UTRN: variants seen among roughly 807,000 people sequenced by gnomAD.
UTRN encodes utrophin.
UTRN carries 283 observed loss-of-function variants against 463.9 expected under a neutral mutation model. That is an observed-to-expected ratio of 0.61 (90% confidence interval 0.55 to 0.67). UTRN has a LOEUF of 0.67. UTRN is among the 30% of genes least tolerant of loss of function. UTRN has a pLI of 0.00. For synonymous variants in UTRN, 1,442 were observed against 1,431.5 expected (o/e 1.01, Z -0.17); for missense variants, 3,922 against 4,084.3 (o/e 0.96, Z 1.08).
intron 54 of UTRN, among the ~76,000 whole-genome samples, chr6:144,739,632 G>A (rs180810214): frequency 4.8e-4 from 73 of 152,268 alleles, no homozygotes; most frequent in Admixed American, 4.4e-3. Flanking sequence ...ACCGAGCCAC[G>A]GTAGAGACGT....
chr6:144,724,222 C>CTTTTTTTT (rs34507977), intron 53 of UTRN, among the ~76,000 whole-genome samples: 6 of 78,150 alleles, frequency 7.7e-5, no homozygotes, highest in African/African-American at 1.2e-4. Context: ...AGATTCATAA[C>CTTTTTTTT]TTTTTTTTTT....
At chr6:144,618,615 G>A (rs144914386) in intron 51 of UTRN, among the ~76,000 whole-genome samples, 9 of 152,082 alleles carry the variant, frequency 5.9e-5, no homozygotes, top group Non-Finnish European at 1.2e-4. Context: ...AAAAAAATGA[G>A]CCCCATTTTA....
intron 2 of UTRN, among the ~76,000 whole-genome samples, chr6:144,295,923 A>G (rs148832450): frequency 3.9e-5 from 6 of 152,146 alleles, no homozygotes; most frequent in Non-Finnish European, 7.4e-5. Context: ...CTCTTCTTCC[A>G]TCTTTGCCTG....
intron 53 of UTRN, among the ~76,000 whole-genome samples, chr6:144,702,117 T>C (rs1435284317): frequency 6.6e-6 from 1 of 152,222 alleles, no homozygotes; most frequent in African/African-American, 2.4e-5. Context: ...ATGTGCTCTG[T>C]AAGGAATACA....
At chr6:144,653,253 T>G (rs1779005460) in intron 51 of UTRN, among the ~76,000 whole-genome samples, 1 of 152,180 alleles carries the variant, frequency 6.6e-6, no homozygotes, top group Non-Finnish European at 1.5e-5. Flanking sequence ...GATATGTACG[T>G]GCATACATAT....
rs147640011 is a variant in UTRN, at chr6:144,396,800, CATGTCATGAGGGGT to C, written c.80-6321_80-6308del. On this transcript the variant is annotated intron_variant, in intron 2 of 74. Transcript: ENST00000367545. ...TTTGATTTATGGCACCATCCAACTGCATGTCATGAGGGGTAAGTCCTTGACCTCTCTGGTCACAG... is the reference window on the plus strand; with the variant it reads ...TTTGATTTATGGCACCATCCAACTGCAAGTCCTTGACCTCTCTGGTCACAG... Among the ~76,000 whole-genome samples the C allele has an allele frequency of 7.4e-3, 1,120 of 152,216 alleles. 17 individuals carry two copies. The highest frequency in any genetic ancestry group is 0.025 in the African/African-American group (1,025 of 41,530).
intron 51 of UTRN, among the ~76,000 whole-genome samples, chr6:144,588,847 T>C (rs1229562249): frequency 2.0e-5 from 3 of 152,200 alleles, no homozygotes; most frequent in Admixed American, 2.0e-4. Flanking sequence ...ACCATAGAGA[T>C]AAAAGAATGT....
At position 144,559,858 on chromosome 6, in the gene UTRN, G is replaced by A. The variant is rs918971285; in HGVS notation, c.7289+2547G>A. ...ACATGGTCTAATCTAATATTCTCAG[G>A]CTCAGAGAAGTTAAGTGACATGTTC... On this transcript the variant is annotated intron_variant, in intron 50 of 74. Coordinates refer to ENST00000367545, the MANE Select transcript of UTRN (RefSeq NM_007124.3). Among the ~76,000 whole-genome samples the A allele has an allele frequency of 4.6e-5, 7 of 152,234 alleles. No individual in the cohort carries two copies. In the East Asian group the frequency reaches 1.2e-3, roughly 25 times the overall value.
chr6:144,706,076 G>A (rs1785057320), intron 53 of UTRN, among the ~76,000 whole-genome samples: 1 of 151,922 alleles, frequency 6.6e-6, no homozygotes, highest in South Asian at 2.1e-4. Context: ...CCTTAGCCTT[G>A]CATCCAAGAA....
At chr6:144,584,425 A>G (rs1311147444) in intron 51 of UTRN, among the ~76,000 whole-genome samples, 2 of 152,236 alleles carry the variant, frequency 1.3e-5, no homozygotes, top group East Asian at 3.9e-4. Context: ...CCTCCTTCCT[A>G]TCATATTTTT....
intron 2 of UTRN, among the ~76,000 whole-genome samples, chr6:144,350,561 A>G (rs1316016605): frequency 2.6e-5 from 4 of 152,230 alleles, no homozygotes; most frequent in Non-Finnish European, 5.9e-5. Context: ...GTCATCTACA[A>G]CAGATGACAT....
chr6:144,697,575 T>A (rs1457042505), intron 52 of UTRN, among the ~76,000 whole-genome samples: 1 of 152,178 alleles, frequency 6.6e-6, no homozygotes, highest in East Asian at 1.9e-4. Context: ...ATAGTTATAA[T>A]CTATTTGAGA....
chr6:144,701,386 T>A (rs1260865142), intron 53 of UTRN, among the ~76,000 whole-genome samples: 3 of 152,188 alleles, frequency 2.0e-5, no homozygotes. Context: ...GTTTTACTTT[T>A]CTGAGCCAAG....
At chr6:144,724,222 C>CTTTTT (rs34507977) in intron 53 of UTRN, among the ~76,000 whole-genome samples, 58 of 78,142 alleles carry the variant, frequency 7.4e-4, no homozygotes, top group South Asian at 1.5e-3. Context: ...AGATTCATAA[C>CTTTTT]TTTTTTTTTT....
At position 144,510,966 on chromosome 6, in the gene UTRN, A is replaced by C; in HGVS notation, c.4787A>C (p.Lys1596Thr). 1 of 1,601,350 alleles carries C rather than the reference A, an allele frequency of 6.2e-7. No individual in the cohort carries two copies. The highest frequency in any genetic ancestry group is 2.3e-5 in the East Asian group (1 of 44,428). Residue 1596 changes from lysine to threonine, a missense_variant, in exon 35 of 75, where the codon AAG becomes ACG. Physicochemically the swap from Lys to Thr is moderately conservative, Grantham distance 78. Around this residue, in one of 3 missense-constraint regions of UTRN, gnomAD observed 2,349 missense variants for 2,303.8 expected, o/e 1.02. Transcript: ENST00000367545. Reference protein sequence around the residue: ...WAKNVLKDLEKRKADLNTITE... With the variant: ...WAKNVLKDLETRKADLNTITE... ...TAGAATGTTCTGAAGGATCTGGAAA[A>C]GAGAAAAGCTGATTTAAATACCATC...
chr6:144,326,502 G>A (rs977172018), intron 2 of UTRN, among the ~76,000 whole-genome samples: 3 of 152,056 alleles, frequency 2.0e-5, no homozygotes, highest in East Asian at 3.8e-4. Flanking sequence ...CTGATGTGAC[G>A]GCCATGTATT....
chr6:144,509,301 C>T (rs1585062229), intron 34 of UTRN, among the ~76,000 whole-genome samples: 6 of 151,714 alleles, frequency 4.0e-5, no homozygotes, highest in Admixed American at 1.3e-4. Flanking sequence ...TAAAAATATA[C>T]TTTTCGGTTT....
In UTRN at chr6:144,723,633, A is replaced by C. The variant is rs144248613; in HGVS notation, c.7810-6724A>C. Among the ~76,000 whole-genome samples, 12 of 152,326 alleles carry C rather than the reference A, an allele frequency of 7.9e-5. No individual in the cohort carries two copies. The South Asian group carries it at 8.3e-4, about 11-fold the overall frequency. On this transcript the variant is annotated intron_variant, in intron 53 of 74. Coordinates refer to ENST00000367545, the MANE Select transcript of UTRN (RefSeq NM_007124.3). ...TAGAAACACTGAGGTGGGAGCAGCC[A>C]TCTTGTTATTGCACATACTGAACAC...
intron 54 of UTRN, among the ~76,000 whole-genome samples, chr6:144,732,671 A>ATGTTT (rs1788852226): frequency 7.0e-6 from 1 of 142,542 alleles, no homozygotes; most frequent in African/African-American, 2.7e-5. Flanking sequence ...ATGTTATGTT[A>ATGTTT]TGTTATGTTA....
Sources: allele counts gnomAD v4.1 joint callset (sites outside exome capture counted in the v4.1 genomes callset), GRCh38; gene constraint gnomAD v4.1.1; regional missense constraint gnomAD v4.1.1; transcripts MANE v1.5; gene names NCBI Gene and HGNC (gene_info 2026-07-23, HGNC 2026-07-21).